Variants in BRIP1 observed in about 807,000 individuals in gnomAD.
The protein encoded by BRIP1 is Fanconi anemia group J protein.
In BRIP1, 88 loss-of-function variants were observed where a neutral mutation model predicts 119.7. That is an observed-to-expected ratio of 0.74 (90% CI 0.62 to 0.88). The LOEUF is 0.88. BRIP1 is among the 40% of genes least tolerant of loss of function. The pLI, the probability that BRIP1 is intolerant of heterozygous loss-of-function variation, is 0.00. For missense variants in BRIP1, 1,259 were observed against 1,455.4 expected (o/e 0.87, Z 2.20); for synonymous variants, 443 against 496.5 (o/e 0.89, Z 1.43).
chr17:61,737,389 A>G (rs1207035268), intron 16 of BRIP1, among the ~76,000 whole-genome samples: 1 of 152,216 alleles, frequency 6.6e-6, no homozygotes, highest in Non-Finnish European at 1.5e-5. Context: ...AATTTACTCA[A>G]GAGGAATCAA....
chr17:61,762,005 A>G lies in BRIP1; in HGVS notation c.2097+14396T>C, dbSNP rs1280516029. On this transcript the variant is annotated intron_variant, in intron 14 of 19. Transcript: ENST00000259008. This position sits in a 1 kb window ranked among gnomAD's most constrained non-coding sequence, Gnocchi z 4.3. ...GAGGCATCACACGACCTGATTCCAA[A>G]CCACACTGCAAAGCTATAGTAATTA... is the stretch of plus-strand genomic sequence containing the variant. 2.0e-5 allele frequency among the ~76,000 whole-genome samples: 3 copies of G among 152,096 alleles called. No individual in the cohort carries two copies. The highest frequency in any genetic ancestry group is 7.2e-5 in the African/African-American group (3 of 41,436).
At position 61,746,402 on chromosome 17, in the gene BRIP1, G is replaced by A. The variant is rs1278144694; in HGVS notation, c.2098-1811C>T. Among the ~76,000 whole-genome samples the A allele has an allele frequency of 6.6e-6, 1 of 152,024 alleles. No homozygotes were observed. Among genetic ancestry groups the A allele is most frequent in the Non-Finnish European group, 1.5e-5 (1 of 67,968 alleles). On this transcript the variant is annotated intron_variant, in intron 14 of 19. Transcript: ENST00000259008. This position sits in a 1 kb window ranked among gnomAD's most constrained non-coding sequence, Gnocchi z 4.9. ...AATGGATTAAATTTTCTAATCAAAA[G>A]ATATAAAGTAGCTGGATAGATAAAA...
At chr17:61,835,002 C>T (rs1273790341) in intron 6 of BRIP1, among the ~76,000 whole-genome samples, 2 of 152,134 alleles carry the variant, frequency 1.3e-5, no homozygotes, top group Non-Finnish European at 2.9e-5. Context: ...CGCACATGTG[C>T]GCACTTAAGA....
rs2078504555 is a variant in BRIP1, at chr17:61,832,279, T to C, written c.627+14822A>G. 6.6e-6 allele frequency among the ~76,000 whole-genome samples: 1 copy of C among 152,174 alleles called. No homozygotes were observed. The highest frequency in any genetic ancestry group is 6.5e-5 in the Admixed American group (1 of 15,274). ...CCCACTTGAGTACCAAAACAAATCATATAATAATTATAACTCACCGAATAA... is the reference window on the plus strand; with the variant it reads ...CCCACTTGAGTACCAAAACAAATCACATAATAATTATAACTCACCGAATAA... On this transcript the variant is annotated intron_variant, in intron 6 of 19. Transcript: ENST00000259008. This position sits in a 1 kb window ranked among gnomAD's most constrained non-coding sequence, Gnocchi z 5.5.
intron 13 of BRIP1, among the ~76,000 whole-genome samples, chr17:61,777,406 T>C (rs1279138739): frequency 6.6e-6 from 1 of 152,172 alleles, no homozygotes; most frequent in Admixed American, 6.5e-5. Flanking sequence ...TCTAATTCAA[T>C]TCAATTCTGA....
chr17:61,792,546 T>C (rs1012576343), intron 10 of BRIP1, among the ~76,000 whole-genome samples: 3 of 152,198 alleles, frequency 2.0e-5, no homozygotes, highest in African/African-American at 4.8e-5. Context: ...TGCATATTGC[T>C]AAGACAGAAG....
At chr17:61,847,798 A>C (rs2078756832) in intron 5 of BRIP1, among the ~76,000 whole-genome samples, 1 of 152,214 alleles carries the variant, frequency 6.6e-6, no homozygotes, top group Admixed American at 6.5e-5. Context: ...ATTTGTGAAA[A>C]ATCTATTCAC....
rs546424035 is a variant in BRIP1, at chr17:61,708,132, G to A, written c.2492+7819C>T. 1.3e-5 allele frequency among the ~76,000 whole-genome samples: 2 copies of A among 152,310 alleles called. No homozygotes were observed. The highest frequency in any genetic ancestry group is 3.9e-4 in the East Asian group (2 of 5,190). On this transcript the variant is annotated intron_variant, in intron 17 of 19. Coordinates refer to ENST00000259008, the MANE Select transcript of BRIP1 (RefSeq NM_032043.3). The surrounding 1 kb of genome is among the most constrained non-coding windows in gnomAD (Gnocchi z 4.4). ...GAAAAAACAAAAAATATGTGACAGA[G>A]ACTGTATGTAGCCTGCAAAGCCTAA... is the stretch of plus-strand genomic sequence containing the variant.
rs1462020482 is a variant in BRIP1, at chr17:61,831,229, C to G, written c.627+15872G>C. 6.6e-6 allele frequency among the ~76,000 whole-genome samples: 1 copy of G among 152,132 alleles called. No individual in the cohort carries two copies. Among genetic ancestry groups the G allele is most frequent in the Non-Finnish European group, 1.5e-5 (1 of 68,028 alleles). On this transcript the variant is annotated intron_variant, in intron 6 of 19. Coordinates refer to ENST00000259008, the MANE Select transcript of BRIP1 (RefSeq NM_032043.3). This position sits in a 1 kb window ranked among gnomAD's most constrained non-coding sequence, Gnocchi z 4.1. ...AGGTTGTGAACAAGGCAAGGGTATC[C>G]ACTCTCATCACTCTAATTCAGCCTT...
chr17:61,718,346 G>C (rs2061915371), intron 16 of BRIP1, among the ~76,000 whole-genome samples: 2 of 152,132 alleles, frequency 1.3e-5, no homozygotes, highest in South Asian at 4.1e-4. Flanking sequence ...CCCATACAAA[G>C]GTGAAACTCT....
Position 61,857,596 on chromosome 17 carries a change from C to T in BRIP1, c.206-365G>A, listed in dbSNP as rs1338751929. The stretch of plus-strand genomic sequence containing the variant: ...AAAATTAGCCAGGCGTGGTAGTGCA[C>T]GCCTGTAATACCACCTACTCAGGAG... On this transcript the variant is annotated intron_variant, in intron 3 of 19. Coordinates refer to ENST00000259008, the MANE Select transcript of BRIP1 (RefSeq NM_032043.3). This position sits in a 1 kb window ranked among gnomAD's most constrained non-coding sequence, Gnocchi z 5.1. Among the ~76,000 whole-genome samples, 7 of 152,062 alleles carry T rather than the reference C, an allele frequency of 4.6e-5. No individual in the cohort carries two copies. The highest frequency in any genetic ancestry group is 1.9e-4 in the East Asian group (1 of 5,192).
intron 17 of BRIP1, among the ~76,000 whole-genome samples, chr17:61,707,870 G>A (rs2061716364): frequency 6.7e-6 from 1 of 148,326 alleles, no homozygotes; most frequent in Non-Finnish European, 1.5e-5. Flanking sequence ...TTTTTGAGAA[G>A]GAGTCTCATT....
intron 14 of BRIP1, among the ~76,000 whole-genome samples, chr17:61,750,426 A>T (rs2077116329): frequency 6.6e-6 from 1 of 152,228 alleles, no homozygotes; most frequent in Admixed American, 6.5e-5. Flanking sequence ...AAAGAAAAAA[A>T]TAGAAGGCTT....
Position 61,841,356 on chromosome 17 carries a change from C to CA in BRIP1, c.627+5744dup, listed in dbSNP as rs539506761. ...CCAGAATATACAAGGAACTCAACAG[C>CA]AAAAAAAAAAAAATCTGATTTTAAA... On this transcript the variant is annotated intron_variant, in intron 6 of 19. Transcript: ENST00000259008. This position sits in a 1 kb window ranked among gnomAD's most constrained non-coding sequence, Gnocchi z 4.1. 5.1e-3 allele frequency among the ~76,000 whole-genome samples: 672 copies of CA among 131,062 alleles called. 4 individuals are homozygous for CA. Among genetic ancestry groups the CA allele is most frequent in the Middle Eastern group, 0.04 (10 of 250 alleles). The allele number at this position is 131,062 out of a possible 152,430, so 86.0% of individuals were successfully genotyped here. A position where few individuals can be genotyped will look rare whatever the true frequency, so the allele number is the denominator to read the frequency against.
At position 61,807,173 on chromosome 17, in the gene BRIP1, G is replaced by A. The variant is rs1460247989; in HGVS notation, c.918+1294C>T. Among the ~76,000 whole-genome samples, 2 of 152,176 alleles carry A rather than the reference G, an allele frequency of 1.3e-5. No individual in the cohort carries two copies. The highest frequency in any genetic ancestry group is 2.9e-5 in the Non-Finnish European group (2 of 68,034). On this transcript the variant is annotated intron_variant, in intron 7 of 19. Coordinates refer to ENST00000259008, the MANE Select transcript of BRIP1 (RefSeq NM_032043.3). The surrounding 1 kb of genome is among the most constrained non-coding windows in gnomAD (Gnocchi z 4.5). ...TCACTATGGAAAGCAGTCTACTTATGCATGAAATTCATGGAGTTTTACCAT... is the reference window on the plus strand; with the variant it reads ...TCACTATGGAAAGCAGTCTACTTATACATGAAATTCATGGAGTTTTACCAT...
chr17:61,860,058 C>T lies in BRIP1; in HGVS notation c.94-151G>A, dbSNP rs1487240178. ...GAAGGAACTCATATTTAGTTAAATC[C>T]AAACTGTATTCCTTTACACCTCTCC... On this transcript the variant is annotated intron_variant, in intron 2 of 19. Transcript: ENST00000259008. This position sits in a 1 kb window ranked among gnomAD's most constrained non-coding sequence, Gnocchi z 4.1. 5.5e-5 allele frequency: 36 copies of T among 651,374 alleles called. No individual in the cohort carries two copies. The highest frequency in any genetic ancestry group is 2.8e-6 in the Non-Finnish European group (1 of 361,726). The allele number at this position is 651,374 out of a possible 1,614,324, so 40.3% of individuals were successfully genotyped here. A position where few individuals can be genotyped will look rare whatever the true frequency, so the allele number is the denominator to read the frequency against.
At chr17:61,773,743 AAAAC>A (rs1282263749) in intron 14 of BRIP1, among the ~76,000 whole-genome samples, 6 of 152,152 alleles carry the variant, frequency 3.9e-5, no homozygotes, top group Admixed American at 1.3e-4. Flanking sequence ...TTACAAGAAA[AAAAC>A]AAACAACCCC....
chr17:61,728,464 T>G (rs1288832842), intron 16 of BRIP1, among the ~76,000 whole-genome samples: 1 of 151,886 alleles, frequency 6.6e-6, no homozygotes, highest in Non-Finnish European at 1.5e-5. Flanking sequence ...TATATGAACA[T>G]AAAAGGTAGA....
rs28904918 is a variant in BRIP1, at chr17:61,693,436, T to C, written c.2569A>G (p.Ile857Val). ...AGCCCAGCTGAGATCTTACCAGATA[T>C]ATAGCGACTTGGGTTATTCCTAAAG... ...DRFRNNPSRY[I>V]SGLSKWVRQQ... is the part of the protein sequence containing the mutation. Residue 857 changes from isoleucine to valine, a missense_variant, in exon 18 of 20, where the codon ATA (isoleucine) becomes GTA (valine). Around this residue, in one of 3 missense-constraint regions of BRIP1, gnomAD observed 753 missense variants for 891.8 expected, o/e 0.84. Coordinates refer to ENST00000259008, the MANE Select transcript of BRIP1 (RefSeq NM_032043.3). This position sits in a 1 kb window ranked among gnomAD's most constrained non-coding sequence, Gnocchi z 4.2. The C allele has an allele frequency of 5.6e-6, 9 of 1,612,652 alleles. No homozygotes were observed. Among genetic ancestry groups the C allele is most frequent in the East Asian group, 2.2e-5 (1 of 44,828 alleles).
Sources: gnomAD v4.1 joint callset for allele counts (sites outside exome capture counted in the v4.1 genomes callset) on GRCh38, gnomAD v4.1.1 for gene constraint, gnomAD v4.1.1 regional missense constraint, Gnocchi (gnomAD v3.1) non-coding constraint, MANE v1.5 for transcripts, NCBI Gene and HGNC (gene_info 2026-07-23, HGNC 2026-07-21) for gene names.